The following ORMDL1 variants were observed in gnomAD, a reference collection of about 807,000 sequenced individuals.
The protein encoded by ORMDL1 is ORM1-like protein 1.
In ORMDL1, 10 loss-of-function variants were observed where a neutral mutation model predicts 13.0. The observed-to-expected ratio is 0.77, with a 90% confidence interval of 0.47 to 1.30. ORMDL1 has a LOEUF of 1.30. Ranked by LOEUF, ORMDL1 falls within the 50% of genes most tolerant of loss-of-function variation. The pLI is 0.00. For synonymous variants in ORMDL1, 61 were observed against 63.9 expected (o/e 0.95, Z 0.22); for missense variants, 171 against 186.7 (o/e 0.92, Z 0.49).
At chr2:189,772,879 T>G (rs182058327) in intron 4 of ORMDL1, among the ~76,000 whole-genome samples, 1 of 152,348 alleles carries the variant, frequency 6.6e-6, no homozygotes, top group East Asian at 1.9e-4. Context: ...ATTTTATACA[T>G]TTTTAAAACC....
chr2:189,776,230 A>G (rs1018052008), intron 3 of ORMDL1, among the ~76,000 whole-genome samples: 4 of 152,326 alleles, frequency 2.6e-5, no homozygotes, highest in Admixed American at 2.0e-4. Context: ...GTTCTCTTCC[A>G]AAGCAATAAA....
chr2:189,768,490 T>TA (rs766823683), downstream of ORMDL1, among the ~76,000 whole-genome samples: 3 of 152,230 alleles, frequency 2.0e-5, no homozygotes, highest in Non-Finnish European at 4.4e-5. Context: ...GATTCAGCTT[T>TA]AGCTAGACAA....
intron 3 of ORMDL1, among the ~76,000 whole-genome samples, chr2:189,780,782 G>T (rs955401992): frequency 2.0e-5 from 3 of 152,162 alleles, no homozygotes; most frequent in Non-Finnish European, 4.4e-5. Context: ...CTATTTAAAA[G>T]AAAACATCGT....
At chr2:189,764,841 C>CT in the ORMDL1 span, 180 of 145,446 alleles carry the variant, frequency 1.2e-3, 1 homozygote, top group South Asian at 2.4e-3. Flanking sequence ...AAGAATCTTT[C>CT]TTTTTTTTTT....
At chr2:189,772,536 T>G (rs1474713496) in intron 4 of ORMDL1, among the ~76,000 whole-genome samples, 2 of 152,186 alleles carry the variant, frequency 1.3e-5, no homozygotes, top group Non-Finnish European at 2.9e-5. Context: ...AGAATTTGTT[T>G]TAACAAGCCC....
chr2:189,775,308 C>A, intron 4 of ORMDL1: 1 of 322,968 alleles, frequency 3.1e-6, no homozygotes, highest in Non-Finnish European at 5.6e-6. Context: ...AGCTGGAATA[C>A]ATTTGACCTG....
chr2:189,768,334 T>C (rs117519357), downstream of ORMDL1, among the ~76,000 whole-genome samples: 4,943 of 152,322 alleles, frequency 0.032, 103 homozygotes, highest in South Asian at 0.07. Flanking sequence ...TCTATCCTGT[T>C]AGAAAGACTA....
chr2:189,774,460 A>G (rs1474633043), intron 4 of ORMDL1, among the ~76,000 whole-genome samples: 1 of 152,206 alleles, frequency 6.6e-6, no homozygotes, highest in Non-Finnish European at 1.5e-5. Context: ...CCTTACTTAA[A>G]TATCTAAAAC....
At chr2:189,778,068 T>C (rs2047736971) in intron 3 of ORMDL1, 1 of 407,474 alleles carries the variant, frequency 2.5e-6, no homozygotes, top group Non-Finnish European at 4.8e-6. Flanking sequence ...CATTTGTCCA[T>C]GGTCAACCAA....
intron 3 of ORMDL1, 90 bp from the exon 4 acceptor site, chr2:189,775,806 T>G: frequency 7.9e-7 from 1 of 1,262,392 alleles, no homozygotes; most frequent in Non-Finnish European, 1.1e-6. Flanking sequence ...AAGCTGTTTG[T>G]GAGAGTGTGT....
At chr2:189,773,686 C>T (rs1255230721) in intron 4 of ORMDL1, among the ~76,000 whole-genome samples, 1 of 120,046 alleles carries the variant, frequency 8.3e-6, no homozygotes, top group Non-Finnish European at 1.6e-5. Context: ...TATGCCACTG[C>T]ACTCCGGCCT....
At chr2:189,769,286 C>G (rs1410128639), downstream of ORMDL1, among the ~76,000 whole-genome samples, 5 of 151,982 alleles carry the variant, frequency 3.3e-5, no homozygotes, top group Non-Finnish European at 7.4e-5. Context: ...ACTCAGGAGG[C>G]TGAGGCAGGA....
At chr2:189,779,385 T>G (rs1254678206) in intron 3 of ORMDL1, among the ~76,000 whole-genome samples, 1 of 152,072 alleles carries the variant, frequency 6.6e-6, no homozygotes, top group Non-Finnish European at 1.5e-5. Flanking sequence ...GAAGCTAAGG[T>G]GGGAGGAGCT....
chr2:189,783,966 C>G (rs1238578335), intron 1 of ORMDL1: 1 of 152,312 alleles, frequency 6.6e-6, no homozygotes, highest in East Asian at 1.9e-4. Flanking sequence ...CCCTGCTAGA[C>G]CGACAGCCCG....
intron 3 of ORMDL1, among the ~76,000 whole-genome samples, chr2:189,779,702 G>T (rs997256297): frequency 6.6e-6 from 1 of 152,186 alleles, no homozygotes; most frequent in Non-Finnish European, 1.5e-5. Flanking sequence ...TGCCAAGCTG[G>T]AATGGAGAAG....
chr2:189,769,380 G>A (rs1003912058), downstream of ORMDL1, among the ~76,000 whole-genome samples: 9 of 125,454 alleles, frequency 7.2e-5, no homozygotes, highest in African/African-American at 2.7e-4. Context: ...AAAAAAACCC[G>A]GCTCCAGCCA....
chr2:189,765,656 G>A (rs1405839650), downstream of ORMDL1: 1 of 152,126 alleles, frequency 6.6e-6, no homozygotes, highest in Non-Finnish European at 1.5e-5. Flanking sequence ...TACAATGAAG[G>A]CTAAATCCAA....
In ORMDL1 at chr2:189,775,557, C is replaced by G; in HGVS notation, c.326+8G>C. ...TCCTCCTCATACCTAAAAATTTCTGCCACTTACAGAATTATTGGAGAAATT... is the reference window on the plus strand; with the variant it reads ...TCCTCCTCATACCTAAAAATTTCTGGCACTTACAGAATTATTGGAGAAATT... On this transcript the variant is annotated splice_region_variant and intron_variant, in intron 4 of 4. Coordinates refer to ENST00000392349, the MANE Select transcript of ORMDL1 (RefSeq NM_016467.5). The G allele has an allele frequency of 6.3e-7, 1 of 1,589,386 alleles. No homozygotes were observed. Among genetic ancestry groups the G allele is most frequent in the Non-Finnish European group, 8.6e-7 (1 of 1,168,496 alleles).
At position 189,771,736 on chromosome 2, in the gene ORMDL1, C is replaced by G; in HGVS notation, c.*31G>C. On this transcript the variant is annotated 3_prime_UTR_variant, in exon 5 of 5. Transcript: ENST00000392349. ...TCCTTCCTTATAAGAAATTCAGTAG[C>G]TGTAAAATTTTTTTTCAGTTTCAAA... is the stretch of plus-strand genomic sequence containing the variant. The G allele has an allele frequency of 1.3e-6, 2 of 1,547,172 alleles. No individual in the cohort carries two copies. Among genetic ancestry groups the G allele is most frequent in the South Asian group, 1.2e-5 (1 of 82,228 alleles).
Sources: allele counts gnomAD v4.1 joint callset (sites outside exome capture counted in the v4.1 genomes callset), GRCh38; gene constraint gnomAD v4.1.1; transcripts MANE v1.5; gene names NCBI Gene and HGNC (gene_info 2026-07-23, HGNC 2026-07-21).